Variants in TMEM132D observed in about 807,000 individuals in gnomAD.
The protein encoded by TMEM132D is transmembrane protein 132D.
In TMEM132D, 21 loss-of-function variants were observed where a neutral mutation model predicts 62.3. The ratio of observed to expected loss-of-function variants is 0.34; its 90% CI spans 0.24 to 0.49. The LOEUF is 0.49. TMEM132D is among the 20% of genes least tolerant of loss of function. The pLI, the probability that TMEM132D is intolerant of heterozygous loss-of-function variation, is 0.99. For synonymous variants in TMEM132D, 621 were observed against 575.6 expected (o/e 1.08, Z -1.13); for missense variants, 1,346 against 1,402.8 (o/e 0.96, Z 0.65).
chr12:129,591,212 T>A (rs933220303), intron 2 of TMEM132D, among the ~76,000 whole-genome samples: 2 of 152,098 alleles, frequency 1.3e-5, no homozygotes, highest in African/African-American at 4.8e-5. Flanking sequence ...ATCAAAAGGG[T>A]AGCCAATGGC....
chr12:129,210,255 C>T (rs1474831865), intron 4 of TMEM132D: 2 of 153,014 alleles, frequency 1.3e-5, no homozygotes, highest in African/African-American at 4.8e-5. Flanking sequence ...AGCACCGCAC[C>T]ACCAGTGCGA....
rs201682592 is a variant in TMEM132D at position 129,868,025 on chromosome 12, G to A, written c.79+35236C>T. Among the ~76,000 whole-genome samples, 12 of 122,792 alleles carry A rather than the reference G, an allele frequency of 9.8e-5. No homozygotes were observed. The East Asian group carries it at 7.9e-3, about 81-fold the overall frequency. 80.6% of individuals were successfully genotyped at this position (122,792 alleles called of 152,430 possible). ...GGCGTTTCTATGGTACATACATGAGGTGGCGTTTCTATGGTACACACATGA... is the reference window on the plus strand; with the variant it reads ...GGCGTTTCTATGGTACATACATGAGATGGCGTTTCTATGGTACACACATGA... On this transcript the variant is annotated intron_variant, in intron 1 of 8. Transcript: ENST00000422113.
intron 2 of TMEM132D, among the ~76,000 whole-genome samples, chr12:129,548,983 G>C (rs989124430): frequency 3.3e-5 from 5 of 152,200 alleles, no homozygotes; most frequent in Admixed American, 1.3e-4. Flanking sequence ...TCACTCGTTG[G>C]GTGAGGTGAT....
intron 1 of TMEM132D, among the ~76,000 whole-genome samples, chr12:129,814,405 T>C (rs896935024): frequency 6.6e-6 from 1 of 151,668 alleles, no homozygotes; most frequent in African/African-American, 2.4e-5. Context: ...AGGTGGGAGT[T>C]TGAGACCAGC....
chr12:129,503,837 T>C (rs75982186), intron 3 of TMEM132D, among the ~76,000 whole-genome samples: 1,746 of 152,272 alleles, frequency 0.011, 38 homozygotes, highest in African/African-American at 0.04. Context: ...TTTCTTTCAC[T>C]TTTGAAACAC....
chr12:129,246,335 T>C (rs1410259892), intron 4 of TMEM132D, among the ~76,000 whole-genome samples: 1 of 152,114 alleles, frequency 6.6e-6, no homozygotes, highest in African/African-American at 2.4e-5. Flanking sequence ...CATGCTGGCC[T>C]AACAGCACCA....
chr12:129,373,504 C>T (rs573630088), intron 3 of TMEM132D, among the ~76,000 whole-genome samples: 5 of 152,076 alleles, frequency 3.3e-5, no homozygotes, highest in African/African-American at 9.6e-5. Context: ...CGGTGGCGGG[C>T]GCCTGTAGTC....
At chr12:129,861,004 C>T (rs528883756) in intron 1 of TMEM132D, among the ~76,000 whole-genome samples, 1 of 152,288 alleles carries the variant, frequency 6.6e-6, no homozygotes, top group African/African-American at 2.4e-5. Flanking sequence ...GGGACACAGC[C>T]AAACCATATC....
At chr12:129,134,154 C>CTG (rs1244272796) in intron 5 of TMEM132D, among the ~76,000 whole-genome samples, 4 of 133,712 alleles carry the variant, frequency 3.0e-5, no homozygotes, top group Admixed American at 7.3e-5. Context: ...GTGTCTGTGT[C>CTG]TGTGTGTGTG....
intron 2 of TMEM132D, among the ~76,000 whole-genome samples, chr12:129,634,820 C>T (rs971746377): frequency 6.6e-6 from 1 of 151,928 alleles, no homozygotes; most frequent in Non-Finnish European, 1.5e-5. Flanking sequence ...TAAAATTTGC[C>T]TTATAGTTTT....
intron 2 of TMEM132D, among the ~76,000 whole-genome samples, chr12:129,585,491 G>A (rs569883323): frequency 2.0e-5 from 3 of 152,318 alleles, no homozygotes; most frequent in Non-Finnish European, 4.4e-5. Flanking sequence ...TGTGGGCCGC[G>A]CGTTCCATGC....
intron 1 of TMEM132D, among the ~76,000 whole-genome samples, chr12:129,707,305 T>C (rs1214005025): frequency 6.8e-6 from 1 of 146,518 alleles, no homozygotes; most frequent in Non-Finnish European, 1.5e-5. Flanking sequence ...GAACAAATCA[T>C]ACATTTATAG....
chr12:129,887,570 G>C (rs1365176424), intron 1 of TMEM132D, among the ~76,000 whole-genome samples: 1 of 152,082 alleles, frequency 6.6e-6, no homozygotes, highest in Non-Finnish European at 1.5e-5. Flanking sequence ...CTACCCTTTT[G>C]ATTCACGTGG....
intron 5 of TMEM132D, among the ~76,000 whole-genome samples, chr12:129,128,021 C>T (rs182551993): frequency 5.3e-5 from 8 of 152,220 alleles, no homozygotes; most frequent in Admixed American, 3.3e-4. Context: ...AAGAGTTTCC[C>T]GGGATGTGAG....
At chr12:129,575,599 C>G (rs910395529) in intron 2 of TMEM132D, among the ~76,000 whole-genome samples, 6 of 151,858 alleles carry the variant, frequency 4.0e-5, no homozygotes, top group African/African-American at 1.5e-4. Flanking sequence ...CCAGAAAGCT[C>G]AGACCAATTG....
intron 3 of TMEM132D, among the ~76,000 whole-genome samples, chr12:129,516,758 A>G (rs1875695601): frequency 6.6e-6 from 1 of 152,238 alleles, no homozygotes; most frequent in African/African-American, 2.4e-5. Context: ...ACAAATGACC[A>G]CAAATACAGA....
intron 4 of TMEM132D, among the ~76,000 whole-genome samples, chr12:129,224,708 C>A (rs1879434210): frequency 1.3e-5 from 2 of 152,152 alleles, no homozygotes; most frequent in Admixed American, 6.5e-5. Flanking sequence ...GAGTTTGAGA[C>A]CAGACTGGCC....
rs573005991 is a variant in TMEM132D, at chr12:129,090,394, G to A, written c.1444-5692C>T. Among the ~76,000 whole-genome samples, 61 of 152,262 alleles carry A rather than the reference G, an allele frequency of 4.0e-4. No individual in the cohort carries two copies. The South Asian group carries it at 4.1e-3, about 10-fold the overall frequency. On this transcript the variant is annotated intron_variant, in intron 5 of 8. Transcript: ENST00000422113. ...CTCAAAAGAAAGAAAGGGGCTGGGC[G>A]CAGGCTCACACCTTTAATCCCAGCA...
chr12:129,762,765 A>G, intron 1 of TMEM132D, among the ~76,000 whole-genome samples: 1 of 152,080 alleles, frequency 6.6e-6, no homozygotes, highest in African/African-American at 2.4e-5. Flanking sequence ...TTGTTTGGGG[A>G]GATGAACTGA....
Sources: gnomAD v4.1 joint callset for allele counts (sites outside exome capture counted in the v4.1 genomes callset) on GRCh38, gnomAD v4.1.1 for gene constraint, MANE v1.5 for transcripts, NCBI Gene and HGNC (gene_info 2026-07-23, HGNC 2026-07-21) for gene names.